The following CDK14 variants were observed in gnomAD, a reference collection of about 807,000 sequenced individuals.
CDK14 encodes cyclin dependent kinase 14, also known as cyclin-dependent kinase 14.
CDK14 carries 34 observed loss-of-function variants against 60.7 expected under a neutral mutation model. The observed-to-expected ratio is 0.56, with a 90% CI of 0.43 to 0.75. The LOEUF (loss-of-function observed/expected upper bound fraction) is 0.75, where lower values mean the gene tolerates loss of function less well. Among genes scored for constraint, CDK14 ranks in the 30% least tolerant of loss-of-function variants. CDK14 has a pLI of 0.00. For synonymous variants in CDK14, 197 were observed against 203.7 expected, an observed-to-expected ratio of 0.97 and a Z score of 0.28; for missense variants, 482 against 564.1, an observed-to-expected ratio of 0.85 and a Z score of 1.47.
At chr7:90,816,507 T>G (rs747950497) in intron 5 of CDK14, among the ~76,000 whole-genome samples, 4 of 152,190 alleles carry the variant, frequency 2.6e-5, no homozygotes, top group Non-Finnish European at 4.4e-5. Flanking sequence ...TGAATTTAAT[T>G]ATTGACACTG....
At chr7:90,784,889 G>A (rs1805508050) in intron 4 of CDK14, among the ~76,000 whole-genome samples, 1 of 152,156 alleles carries the variant, frequency 6.6e-6, no homozygotes, top group African/African-American at 2.4e-5. Context: ...AGCATATAAA[G>A]AGGGAATTAA....
intron 12 of CDK14, among the ~76,000 whole-genome samples, chr7:91,096,841 A>G (rs1799006238): frequency 6.6e-6 from 1 of 152,196 alleles, no homozygotes; most frequent in Non-Finnish European, 1.5e-5. Context: ...TGAGATGCCT[A>G]TAACCATGTT....
intron 6 of CDK14, among the ~76,000 whole-genome samples, chr7:90,890,687 A>C (rs2117316970): frequency 6.6e-6 from 1 of 152,276 alleles, no homozygotes; most frequent in South Asian, 2.1e-4. Context: ...AGCAGTTTGA[A>C]CCTAACTGCT....
chr7:90,830,007 C>T (rs921427044), intron 5 of CDK14, among the ~76,000 whole-genome samples: 1 of 152,194 alleles, frequency 6.6e-6, no homozygotes, highest in South Asian at 2.1e-4. Context: ...TGTGGCTTTT[C>T]CAGGCCTTTG....
At chr7:90,645,479 T>C (rs995629832) in intron 2 of CDK14, among the ~76,000 whole-genome samples, 7 of 152,100 alleles carry the variant, frequency 4.6e-5, no homozygotes, top group Non-Finnish European at 2.9e-5. Context: ...CAGGCTTGAA[T>C]TGAAAACATT....
chr7:90,616,300 TA>T (rs1159168685), intron 2 of CDK14, among the ~76,000 whole-genome samples: 1 of 152,274 alleles, frequency 6.6e-6, no homozygotes, highest in East Asian at 1.9e-4. Context: ...CATTTTTTAT[TA>T]AAAAATATAG....
chr7:90,995,854 G>T (rs753267609), intron 10 of CDK14, among the ~76,000 whole-genome samples: 1 of 152,162 alleles, frequency 6.6e-6, no homozygotes, highest in Non-Finnish European at 1.5e-5. Flanking sequence ...AGTCTCAGGG[G>T]ATGGGACATC....
At chr7:90,632,457 A>G (rs541589349) in intron 2 of CDK14, 50 of 200,334 alleles carry the variant, frequency 2.5e-4, no homozygotes, top group Non-Finnish European at 4.6e-4. Flanking sequence ...ATGCCAACCT[A>G]TATGGTTACA....
intron 10 of CDK14, among the ~76,000 whole-genome samples, chr7:91,045,235 C>T (rs1472736669): frequency 2.0e-5 from 3 of 152,134 alleles, no homozygotes; most frequent in African/African-American, 7.2e-5. Flanking sequence ...TGCCCAGTTA[C>T]ATGTGAGCTG....
chr7:91,139,084 G>T (rs1800368047), intron 14 of CDK14, among the ~76,000 whole-genome samples: 1 of 152,134 alleles, frequency 6.6e-6, no homozygotes, highest in South Asian at 2.1e-4. Context: ...CCAAATTCGA[G>T]TGCCTCCACT....
At chr7:90,841,130 A>T (rs1790276262) in intron 5 of CDK14, among the ~76,000 whole-genome samples, 1 of 152,160 alleles carries the variant, frequency 6.6e-6, no homozygotes, top group South Asian at 2.1e-4. Context: ...AATAAGTTTT[A>T]CTTTCATAAT....
intron 11 of CDK14, among the ~76,000 whole-genome samples, chr7:91,066,126 C>T (rs1410274137): frequency 6.6e-6 from 1 of 151,990 alleles, no homozygotes; most frequent in East Asian, 1.9e-4. Context: ...GAAAAATAAT[C>T]CTAAATTGAA....
chr7:90,727,456 C>T (rs989762331), intron 3 of CDK14, among the ~76,000 whole-genome samples: 1 of 152,114 alleles, frequency 6.6e-6, no homozygotes, highest in Admixed American at 6.5e-5. Context: ...GAAAGGAACA[C>T]ACCAAGAGAG....
At chr7:90,780,973 G>T (rs960499827) in intron 4 of CDK14, among the ~76,000 whole-genome samples, 1 of 151,926 alleles carries the variant, frequency 6.6e-6, no homozygotes, top group Non-Finnish European at 1.5e-5. Flanking sequence ...CTGAGGAATC[G>T]CCACACTGAC....
chr7:91,042,206 G>A (rs111496555), intron 10 of CDK14, among the ~76,000 whole-genome samples: 24 of 152,236 alleles, frequency 1.6e-4, no homozygotes, highest in Admixed American at 7.2e-4. Flanking sequence ...GCTGAGCATC[G>A]TGTTAATTTG....
At chr7:91,175,447 C>T (rs1033578501) in intron 14 of CDK14, among the ~76,000 whole-genome samples, 97 of 151,896 alleles carry the variant, frequency 6.4e-4, no homozygotes, top group African/African-American at 2.0e-3. Flanking sequence ...GGATCAAATT[C>T]ACACATAACA....
intron 5 of CDK14, among the ~76,000 whole-genome samples, chr7:90,850,318 C>T (rs763490359): frequency 2.0e-5 from 3 of 152,066 alleles, no homozygotes; most frequent in Admixed American, 6.6e-5. Context: ...TTCATGCATG[C>T]GTTATTCAAT....
chr7:91,194,803 G>A (rs1007618044), intron 14 of CDK14, among the ~76,000 whole-genome samples: 1 of 152,196 alleles, frequency 6.6e-6, no homozygotes, highest in African/African-American at 2.4e-5. Context: ...ACTGCACTGT[G>A]TGGGAGATTC....
chr7:90,735,104 G>T (rs1803036107), intron 3 of CDK14, among the ~76,000 whole-genome samples: 1 of 152,166 alleles, frequency 6.6e-6, no homozygotes, highest in Non-Finnish European at 1.5e-5. Context: ...TGGAGGTCCA[G>T]TCTAGACCCT....
Sources: gnomAD v4.1 joint callset for allele counts (sites outside exome capture counted in the v4.1 genomes callset) on GRCh38, gnomAD v4.1.1 for gene constraint, MANE v1.5 for transcripts, NCBI Gene and HGNC (gene_info 2026-07-23, HGNC 2026-07-21) for gene names.